The following C5 variants were observed in gnomAD, a reference collection of about 807,000 sequenced individuals.
C5 encodes the protein complement C5, also known as C3 and PZP-like alpha-2-macroglobulin domain-containing protein 4.
Under a neutral mutation model 218.8 loss-of-function variants are expected in C5, and 140 were observed. The observed-to-expected ratio is 0.64, with a 90% CI of 0.56 to 0.74. C5 has a LOEUF of 0.74. Among genes scored for constraint, C5 ranks in the 30% least tolerant of loss-of-function variants. The pLI is 0.00. For synonymous variants in C5, 614 were observed against 682.3 expected, an observed-to-expected ratio of 0.90 and a Z score of 1.56; for missense variants, 1,700 against 1,969.6, an observed-to-expected ratio of 0.86 and a Z score of 2.59.
rs1464626053 is a variant in C5 at position 121,025,598 on chromosome 9, AAGG to A, written c.874-21_874-19del. 6.2e-7 allele frequency: 1 copy of A among 1,609,686 alleles called. No homozygotes were observed. Among genetic ancestry groups the A allele is most frequent in the African/African-American group, 1.3e-5 (1 of 74,856 alleles). The stretch of plus-strand genomic sequence containing the variant: ...TTTATCAACTTTTTAAAAGGAGAAA[AAGG>A]AGGAGTTATTTCGGAGAAGAACTTA... On this transcript the variant is annotated intron_variant, in intron 8 of 40. Coordinates refer to ENST00000223642, the MANE Select transcript of C5 (RefSeq NM_001735.3).
At chr9:120,971,851 G>T in intron 31 of C5, 79 bp downstream of exon 31, 1 of 1,081,504 alleles carries the variant, frequency 9.2e-7, no homozygotes, top group Non-Finnish European at 1.4e-6. Context: ...CTGTGACTTT[G>T]TGGCAAAGCT....
intron 25 of C5, among the ~76,000 whole-genome samples, chr9:120,988,340 C>T (rs572619755): frequency 2.0e-4 from 31 of 152,110 alleles, no homozygotes; most frequent in African/African-American, 6.3e-4. Context: ...AGAAAAGAAA[C>T]GATATGAGGT....
chr9:120,989,241 C>T, intron 24 of C5, 120 bp from the exon 25 acceptor site: 5 of 794,390 alleles, frequency 6.3e-6, no homozygotes, highest in Non-Finnish European at 1.1e-5. Context: ...AGCATATGCT[C>T]TGTGGCCAGC....
intron 20 of C5, among the ~76,000 whole-genome samples, chr9:121,003,601 T>C (rs969641569): frequency 1.3e-5 from 2 of 152,186 alleles, no homozygotes; most frequent in African/African-American, 4.8e-5. Context: ...TTAGATTATA[T>C]GACAAACATA....
At chr9:120,997,412 C>G (rs2047125463) in intron 21 of C5, 135 bp downstream of exon 21, 1 of 685,384 alleles carries the variant, frequency 1.5e-6, no homozygotes, top group Non-Finnish European at 2.4e-6. Flanking sequence ...CAAAAAAAAT[C>G]TGGAATAACC....
chr9:121,044,468 C>T (rs1306375624), intron 2 of C5, among the ~76,000 whole-genome samples: 1 of 151,856 alleles, frequency 6.6e-6, no homozygotes, highest in East Asian at 1.9e-4. Flanking sequence ...AGAGCGAGAC[C>T]CTGTCTCAAC....
intron 28 of C5, among the ~76,000 whole-genome samples, chr9:120,978,966 C>T (rs928221789): frequency 3.9e-5 from 6 of 152,088 alleles, no homozygotes; most frequent in Non-Finnish European, 7.4e-5. Flanking sequence ...GGTATGTGGC[C>T]GGGGGAGTGG....
intron 20 of C5, among the ~76,000 whole-genome samples, chr9:121,002,727 G>A (rs905168639): frequency 6.6e-6 from 1 of 152,072 alleles, no homozygotes; most frequent in Non-Finnish European, 1.5e-5. Context: ...CTCTATCTGA[G>A]TTATGATTAT....
intron 5 of C5, among the ~76,000 whole-genome samples, chr9:121,032,848 A>G (rs2047488173): frequency 6.6e-6 from 1 of 152,140 alleles, no homozygotes; most frequent in African/African-American, 2.4e-5. Context: ...AAAAAATACA[A>G]AAATTAGTCT....
chr9:121,027,025 A>G (rs1357167106), intron 8 of C5, 135 bp downstream of exon 8: 1 of 685,064 alleles, frequency 1.5e-6, no homozygotes, highest in Non-Finnish European at 2.7e-6. Context: ...CTAAAGGCAA[A>G]GGGAAGCCAA....
intron 2 of C5, among the ~76,000 whole-genome samples, chr9:121,044,453 G>A (rs1014582390): frequency 3.9e-5 from 6 of 152,102 alleles, no homozygotes; most frequent in Admixed American, 6.6e-5. Context: ...TCCAGCCTGG[G>A]TGACAGAGCG....
intron 13 of C5, 59 bp downstream of exon 13, chr9:121,017,584 T>G (rs866749650): frequency 5.0e-6 from 8 of 1,603,358 alleles, no homozygotes; most frequent in Middle Eastern, 3.3e-4. Flanking sequence ...CAGCTAAAAC[T>G]TTGGCAGCCT....
At chr9:120,956,293 CA>C (rs938222814) in intron 39 of C5, among the ~76,000 whole-genome samples, 24 of 143,644 alleles carry the variant, frequency 1.7e-4, no homozygotes, top group Admixed American at 3.5e-4. Flanking sequence ...AACGTCATTT[CA>C]AAAAAAAAAA....
chr9:121,060,433 C>T, the C5 span, among the ~76,000 whole-genome samples: 2 of 152,150 alleles, frequency 1.3e-5, no homozygotes, highest in Non-Finnish European at 2.9e-5. Flanking sequence ...TGCGATCTTT[C>T]TTAGCACTGA....
At chr9:120,998,300 C>A (rs2047134490) in intron 20 of C5, among the ~76,000 whole-genome samples, 2 of 152,220 alleles carry the variant, frequency 1.3e-5, no homozygotes, top group Non-Finnish European at 2.9e-5. Flanking sequence ...AAAGTCAACA[C>A]TGTCTCAGAA....
chr9:120,968,520 G>A (rs916458347), intron 33 of C5, among the ~76,000 whole-genome samples: 1 of 152,204 alleles, frequency 6.6e-6, no homozygotes, highest in Admixed American at 6.5e-5. Context: ...AGCAATAACA[G>A]GAAACTAATA....
chr9:121,063,767 T>C, the C5 span, among the ~76,000 whole-genome samples: 1 of 152,152 alleles, frequency 6.6e-6, no homozygotes, highest in Non-Finnish European at 1.5e-5. Context: ...TCCAGAAAGG[T>C]CATAGGACTG....
chr9:121,005,210 G>A (rs972045590), intron 20 of C5, among the ~76,000 whole-genome samples: 2 of 152,148 alleles, frequency 1.3e-5, no homozygotes, highest in Non-Finnish European at 2.9e-5. Flanking sequence ...GGGTGTGCTG[G>A]CAAAGAGAAG....
At chr9:120,963,775 A>C in intron 33 of C5, 37 bp from the exon 34 acceptor site, 10 of 1,441,786 alleles carry the variant, frequency 6.9e-6, no homozygotes, top group Non-Finnish European at 8.7e-6. Context: ...ATAATAAATA[A>C]GTGAATAAGA....
Sources: gnomAD v4.1 joint callset for allele counts (sites outside exome capture counted in the v4.1 genomes callset) on GRCh38, gnomAD v4.1.1 for gene constraint, MANE v1.5 for transcripts, NCBI Gene and HGNC (gene_info 2026-07-23, HGNC 2026-07-21) for gene names.